Variants in SLC9A1 observed in about 807,000 individuals in gnomAD.
The protein encoded by SLC9A1 is sodium/hydrogen exchanger 1.
SLC9A1 carries 22 observed loss-of-function variants against 67.9 expected under a neutral mutation model. That is an observed-to-expected ratio of 0.32 (90% CI 0.23 to 0.46). The LOEUF is 0.46. Ranked by LOEUF, SLC9A1 falls within the 20% of genes least tolerant of loss-of-function variation. The pLI is 1.00. For synonymous variants in SLC9A1, 421 were observed against 471.8 expected (o/e 0.89, Z 1.40); for missense variants, 686 against 1,094.8 (o/e 0.63, Z 5.27).
intron 1 of SLC9A1, among the ~76,000 whole-genome samples, chr1:27,134,999 G>A (rs2083410295): frequency 6.6e-6 from 1 of 151,858 alleles, no homozygotes; most frequent in African/African-American, 2.4e-5. Context: ...GGCTCCCAAA[G>A]TGCTGGGATT....
At chr1:27,146,680 G>T (rs1238830431) in intron 1 of SLC9A1, among the ~76,000 whole-genome samples, 1 of 152,214 alleles carries the variant, frequency 6.6e-6, no homozygotes, top group Non-Finnish European at 1.5e-5. Flanking sequence ...TCAGGAGGCT[G>T]AGGTGGGGGG....
In SLC9A1 at chr1:27,136,204, C is replaced by T. The variant is rs143658061; in HGVS notation, c.352+17779G>A. 1.7e-3 allele frequency among the ~76,000 whole-genome samples: 254 copies of T among 152,350 alleles called. 1 individual carries two copies. The highest frequency in any genetic ancestry group is 5.6e-3 in the African/African-American group (231 of 41,580). On this transcript the variant is annotated intron_variant, in intron 1 of 11. Coordinates refer to ENST00000263980, the MANE Select transcript of SLC9A1 (RefSeq NM_003047.5). Reference sequence around the variant, plus strand: ...CCTGTGGTTCAGTCACTAAGGGAAGCCTGGCTCTCCAGAAGCCTCAGCTCA... The same window carrying T: ...CCTGTGGTTCAGTCACTAAGGGAAGTCTGGCTCTCCAGAAGCCTCAGCTCA...
intron 4 of SLC9A1, among the ~76,000 whole-genome samples, chr1:27,107,150 TCA>T (rs2083191399): frequency 1.2e-4 from 1 of 8,094 alleles, no homozygotes; most frequent in Non-Finnish European, 2.5e-4. Flanking sequence ...ACCCACACCC[TCA>T]CAGCCCCTCC....
At chr1:27,127,006 G>T (rs748823610) in intron 1 of SLC9A1, among the ~76,000 whole-genome samples, 4 of 152,130 alleles carry the variant, frequency 2.6e-5, no homozygotes, top group Admixed American at 2.6e-4. Flanking sequence ...TTTTGCGGGG[G>T]GAGGGGGCAG....
Position 27,101,822 on chromosome 1 carries a change from C to G in SLC9A1, c.1940G>C (p.Arg647Pro). Reference protein sequence around the residue: ...NNLQKTRQRLRSYNRHTLVAD... With the variant: ...NNLQKTRQRLPSYNRHTLVAD... ...CACCAGCGTGTGTCTGTTGTAGGAC[C>G]GCAGCTGTGGGAGGGACAGCGTCAG... Residue 647 changes from arginine to proline, a missense_variant, in exon 10 of 12, where the codon CGG becomes CCG. By Grantham distance (103) the Arg-to-Pro change is moderately radical. Around this residue, in one of 7 missense-constraint regions of SLC9A1, gnomAD observed 226 missense variants for 282.4 expected, o/e 0.80. Transcript: ENST00000263980. This position sits in a 1 kb window ranked among gnomAD's most constrained non-coding sequence, Gnocchi z 4.9. 1 of 1,610,724 alleles carries G rather than the reference C, an allele frequency of 6.2e-7. No homozygotes were observed. The highest frequency in any genetic ancestry group is 8.5e-7 in the Non-Finnish European group (1 of 1,178,686).
At chr1:27,143,470 G>C (rs2083464276) in intron 1 of SLC9A1, among the ~76,000 whole-genome samples, 1 of 152,140 alleles carries the variant, frequency 6.6e-6, no homozygotes, top group Non-Finnish European at 1.5e-5. Context: ...CCCTCAGCTG[G>C]ACTTAGAGAT....
chr1:27,103,184 C>G, intron 6 of SLC9A1, 39 bp downstream of exon 6: 1 of 1,442,796 alleles, frequency 6.9e-7, no homozygotes, highest in Non-Finnish European at 9.8e-7. Context: ...CTCCCTGTTC[C>G]TCCTTCTGCA....
chr1:27,102,904 C>T, intron 6 of SLC9A1, 161 bp from the exon 7 acceptor site: 1 of 668,934 alleles, frequency 1.5e-6, no homozygotes, highest in South Asian at 1.7e-5. Context: ...ACTCATCGAA[C>T]CCAGCGGCCC....
At chr1:27,153,069 G>A (rs1158543955) in intron 1 of SLC9A1, among the ~76,000 whole-genome samples, 1 of 152,174 alleles carries the variant, frequency 6.6e-6, no homozygotes, top group African/African-American at 2.4e-5. Flanking sequence ...AGGCCTAGCA[G>A]GGAGACCAAT....
chr1:27,110,174 C>T (rs578193631), intron 2 of SLC9A1, among the ~76,000 whole-genome samples: 26 of 152,268 alleles, frequency 1.7e-4, no homozygotes, highest in African/African-American at 5.1e-4. Context: ...ACTAAATCAG[C>T]GAATCAAGTG....
chr1:27,103,518 G>A (rs948626034), intron 5 of SLC9A1: 18 of 582,144 alleles, frequency 3.1e-5, no homozygotes, highest in South Asian at 5.9e-5. Context: ...CTGGAGACAC[G>A]GTCAGAGGTT....
intron 1 of SLC9A1, among the ~76,000 whole-genome samples, chr1:27,138,894 C>T (rs57767146): frequency 0.023 from 3,516 of 152,164 alleles, 154 homozygotes; most frequent in African/African-American, 0.081. Context: ...AAGCTCCCTG[C>T]GGCTGCTCTG....
chr1:27,131,745 CA>C (rs34967146), intron 1 of SLC9A1, among the ~76,000 whole-genome samples: 306 of 97,780 alleles, frequency 3.1e-3, no homozygotes, highest in African/African-American at 6.1e-3. Flanking sequence ...GACTCTGTCT[CA>C]AAAAAAAAAA....
In SLC9A1 at chr1:27,106,032, G is replaced by A. The variant is rs759873663; in HGVS notation, c.1338C>T (p.Pro446=). 1.2e-6 allele frequency: 2 copies of A among 1,613,622 alleles called. No individual in the cohort carries two copies. Among genetic ancestry groups the A allele is most frequent in the African/African-American group, 1.3e-5 (1 of 75,062 alleles). ...CATAGGCGATGATGAACTGGTCCTT[G>A]GGGGTCAGCTTCACGATACGGAACT... ...INKFRIVKLT[P]KDQFIIAYGG... The change falls in exon 5 of 12, where the codon CCC becomes CCT. Residue 446 remains proline (P), a synonymous_variant. Transcript: ENST00000263980. This position sits in a 1 kb window ranked among gnomAD's most constrained non-coding sequence, Gnocchi z 4.3.
chr1:27,130,783 AT>A (rs1220778665), intron 1 of SLC9A1, among the ~76,000 whole-genome samples: 1 of 152,234 alleles, frequency 6.6e-6, no homozygotes, highest in Non-Finnish European at 1.5e-5. Context: ...CCAAACTGGT[AT>A]TTGATCCCAG....
chr1:27,136,051 T>C (rs2083418701), intron 1 of SLC9A1, among the ~76,000 whole-genome samples: 1 of 152,210 alleles, frequency 6.6e-6, no homozygotes, highest in Non-Finnish European at 1.5e-5. Flanking sequence ...CAGTCTCTAT[T>C]GGCCCCTGAC....
intron 8 of SLC9A1, 29 bp from the exon 9 acceptor site, chr1:27,102,159 C>A (rs756771311): frequency 2.5e-6 from 4 of 1,574,350 alleles, no homozygotes; most frequent in Non-Finnish European, 3.5e-6. Flanking sequence ...GGTTAGGTCC[C>A]CAAGATTCTT....
At chr1:27,125,223 C>T (rs965926253) in intron 1 of SLC9A1, among the ~76,000 whole-genome samples, 5 of 147,580 alleles carry the variant, frequency 3.4e-5, no homozygotes, top group Non-Finnish European at 7.4e-5. Context: ...TCTTTTCCTT[C>T]CTTCCTTTTC....
In SLC9A1 at chr1:27,102,569, G is replaced by A. The variant is rs941527986; in HGVS notation, c.1647-11C>T. 1.2e-6 allele frequency: 2 copies of A among 1,608,976 alleles called. No individual in the cohort carries two copies. The highest frequency in any genetic ancestry group is 1.7e-6 in the Non-Finnish European group (2 of 1,176,694). ...TTAAACCGGTTGAGCCTGGTGGGAG[G>A]AGGAGGGAGACGGATGGCGCCAGCT... On this transcript the variant is annotated splice_polypyrimidine_tract_variant and intron_variant, in intron 7 of 11. Transcript: ENST00000263980.
Sources: gnomAD v4.1 joint callset for allele counts (sites outside exome capture counted in the v4.1 genomes callset) on GRCh38, gnomAD v4.1.1 for gene constraint, gnomAD v4.1.1 regional missense constraint, Gnocchi (gnomAD v3.1) non-coding constraint, MANE v1.5 for transcripts, NCBI Gene and HGNC (gene_info 2026-07-23, HGNC 2026-07-21) for gene names.